Variants in KCNH8 observed in about 807,000 individuals in gnomAD.
The protein encoded by KCNH8 is voltage-gated delayed rectifier potassium channel KCNH8.
In KCNH8, 70 loss-of-function variants were observed where a neutral mutation model predicts 103.6. That is an observed-to-expected ratio of 0.68 (90% CI 0.56 to 0.82). KCNH8 has a LOEUF of 0.82. Among genes scored for constraint, KCNH8 ranks in the 40% least tolerant of loss-of-function variants. The pLI, the probability that KCNH8 is intolerant of heterozygous loss-of-function variation, is 0.00. For synonymous variants in KCNH8, 498 were observed against 489.4 expected, an observed-to-expected ratio of 1.02 and a Z score of -0.23; for missense variants, 1,217 against 1,329.9, an observed-to-expected ratio of 0.92 and a Z score of 1.32.
At chr3:19,183,518 T>C (rs958146012) in intron 1 of KCNH8, among the ~76,000 whole-genome samples, 3 of 151,956 alleles carry the variant, frequency 2.0e-5, no homozygotes, top group Admixed American at 6.6e-5. Flanking sequence ...TACAGATGAG[T>C]TGGGAAAAGA....
At chr3:19,272,302 G>A (rs2064599974) in intron 2 of KCNH8, among the ~76,000 whole-genome samples, 1 of 151,898 alleles carries the variant, frequency 6.6e-6, no homozygotes, top group Non-Finnish European at 1.5e-5. Context: ...GAAGAAGGGG[G>A]CATAGATGAT....
At chr3:19,508,135 T>C (rs1402714537) in intron 11 of KCNH8, among the ~76,000 whole-genome samples, 2 of 152,188 alleles carry the variant, frequency 1.3e-5, no homozygotes, top group Non-Finnish European at 2.9e-5. Context: ...TGCTGCTGGA[T>C]TCATTTTGCT....
rs189308352 is a variant in KCNH8 at position 19,270,881 on chromosome 3, C to T, written c.311-10317C>T. 4.6e-3 allele frequency among the ~76,000 whole-genome samples: 701 copies of T among 152,162 alleles called. 3 individuals carry two copies. The highest frequency in any genetic ancestry group is 0.016 in the African/African-American group (645 of 41,536). On this transcript the variant is annotated intron_variant, in intron 2 of 15. Transcript: ENST00000328405. ...ACTTCTTTTCTTATTTCCAAATTCT[C>T]GTCTCAATATTTCTGCTTTCTTACA...
At chr3:19,274,372 T>C (rs79393678) in intron 2 of KCNH8, among the ~76,000 whole-genome samples, 208 of 152,310 alleles carry the variant, frequency 1.4e-3, no homozygotes, top group African/African-American at 4.9e-3. Context: ...TTGCTGTGTG[T>C]GTTGTTTTCA....
intron 3 of KCNH8, among the ~76,000 whole-genome samples, chr3:19,296,030 G>T (rs1347021341): frequency 6.6e-6 from 1 of 152,056 alleles, no homozygotes; most frequent in Non-Finnish European, 1.5e-5. Context: ...TATCAATCCT[G>T]CTTATCTCCC....
At chr3:19,196,524 A>G (rs2063604023) in intron 1 of KCNH8, among the ~76,000 whole-genome samples, 1 of 151,718 alleles carries the variant, frequency 6.6e-6, no homozygotes. Flanking sequence ...CTTCCTGGTT[A>G]TGTTTATATG....
intron 13 of KCNH8, 102 bp from the exon 14 acceptor site, chr3:19,515,212 CTAGAGCAT>C: frequency 1.7e-6 from 1 of 577,768 alleles, no homozygotes; most frequent in Non-Finnish European, 3.0e-6. Context: ...TAGCTCAGCT[CTAGAGCAT>C]CTAGAATTTA....
intron 2 of KCNH8, among the ~76,000 whole-genome samples, chr3:19,267,870 C>A (rs1017158230): frequency 6.6e-6 from 1 of 152,104 alleles, no homozygotes; most frequent in Non-Finnish European, 1.5e-5. Context: ...CCTCAGTTTT[C>A]TCTTCTGTAA....
intron 7 of KCNH8, among the ~76,000 whole-genome samples, chr3:19,428,552 G>C (rs1300541416): frequency 6.6e-6 from 1 of 152,174 alleles, no homozygotes; most frequent in Non-Finnish European, 1.5e-5. Context: ...ACCAGCAATA[G>C]TAAAAGCCTT....
intron 1 of KCNH8, among the ~76,000 whole-genome samples, chr3:19,218,958 A>G (rs1427530607): frequency 1.3e-5 from 2 of 152,154 alleles, no homozygotes; most frequent in African/African-American, 4.8e-5. Context: ...GGCATCTGCA[A>G]TTACTCTATT....
intron 5 of KCNH8, among the ~76,000 whole-genome samples, chr3:19,389,012 G>C (rs2066396522): frequency 6.6e-6 from 1 of 152,066 alleles, no homozygotes; most frequent in Non-Finnish European, 1.5e-5. Context: ...AACTGTACTG[G>C]GCTCATACGA....
chr3:19,263,487 G>T (rs1559449206), intron 2 of KCNH8, among the ~76,000 whole-genome samples: 1 of 152,186 alleles, frequency 6.6e-6, no homozygotes, highest in East Asian at 1.9e-4. Flanking sequence ...CACCTGTTTG[G>T]CAGGTATAAG....
At chr3:19,177,160 G>A (rs1199584828) in intron 1 of KCNH8, among the ~76,000 whole-genome samples, 2 of 151,932 alleles carry the variant, frequency 1.3e-5, no homozygotes, top group Non-Finnish European at 2.9e-5. Flanking sequence ...CAAAAAACAC[G>A]GCACTAAATA....
In KCNH8 at chr3:19,258,726, G is replaced by A. The variant is rs568650254; in HGVS notation, c.310+4839G>A. Among the ~76,000 whole-genome samples, 5 of 151,674 alleles carry A rather than the reference G, an allele frequency of 3.3e-5. No individual in the cohort carries two copies. The South Asian group carries it at 1.0e-3, about 32-fold the overall frequency. ...TATTAGTGGCTCACAGCACTTGTTG[G>A]TCTGATGGAGCACATATTCAGGTGT... On this transcript the variant is annotated intron_variant, in intron 2 of 15. Coordinates refer to ENST00000328405, the MANE Select transcript of KCNH8 (RefSeq NM_144633.3).
At position 19,533,686 on chromosome 3, in the gene KCNH8, C is replaced by T. The variant is rs779834044; in HGVS notation, c.2911C>T (p.Gln971Ter). 4 of 1,613,986 alleles carry T rather than the reference C, an allele frequency of 2.5e-6. No homozygotes were observed. The East Asian group carries it at 6.7e-5, about 27-fold the overall frequency. ...TCCCTCCTCTGTGGGGAGCAGCCCC[C>T]AACGAACTGGAGCTCATGAGCAAAA... ...VDPSSVGSSP[Q>*]RTGAHEQNPA... The change falls in exon 16 of 16, where the codon CAA (glutamine) becomes TAA (stop). Residue 971 changes from glutamine to a stop codon, truncating the protein, a stop_gained. Transcript: ENST00000328405. LOFTEE classifies it high-confidence loss of function.
intron 3 of KCNH8, among the ~76,000 whole-genome samples, chr3:19,319,444 T>C (rs2065320807): frequency 6.6e-6 from 1 of 152,086 alleles, no homozygotes; most frequent in Admixed American, 6.5e-5. Context: ...CTTTATGTTT[T>C]TGTTTGTTTT....
chr3:19,461,891 C>A (rs2067637841), intron 11 of KCNH8, among the ~76,000 whole-genome samples: 2 of 151,956 alleles, frequency 1.3e-5, no homozygotes, highest in Non-Finnish European at 2.9e-5. Flanking sequence ...TGTTCAATTC[C>A]TACCTATGAG....
intron 15 of KCNH8, among the ~76,000 whole-genome samples, chr3:19,518,744 ATTC>A (rs2068919648): frequency 1.3e-5 from 2 of 152,000 alleles, no homozygotes; most frequent in Admixed American, 1.3e-4. Flanking sequence ...GTTAATCTCT[ATTC>A]TTATGTCCAG....
chr3:19,240,552 C>A (rs954238337), intron 1 of KCNH8, among the ~76,000 whole-genome samples: 1 of 149,032 alleles, frequency 6.7e-6, no homozygotes, highest in Non-Finnish European at 1.5e-5. Context: ...GCGGAGGTTG[C>A]GGTGAGCCGA....
Sources: allele counts gnomAD v4.1 joint callset (sites outside exome capture counted in the v4.1 genomes callset), GRCh38; gene constraint gnomAD v4.1.1; transcripts MANE v1.5; gene names NCBI Gene and HGNC (gene_info 2026-07-23, HGNC 2026-07-21).